The following ULK4 variants were observed in gnomAD, a reference collection of about 807,000 sequenced individuals.
The protein encoded by ULK4 is unc-51 like kinase 4.
ULK4 carries 133 observed loss-of-function variants against 160.6 expected under a neutral mutation model. The ratio of observed to expected loss-of-function variants is 0.83; its 90% CI spans 0.72 to 0.96. ULK4 has a LOEUF of 0.96. Among genes scored for constraint, ULK4 ranks in the 40% least tolerant of loss-of-function variants. The probability of loss-of-function intolerance (pLI) is 0.00; values close to 1 mark genes in which losing one functional copy is unlikely to be tolerated. For synonymous variants in ULK4, 534 were observed against 539.8 expected (o/e 0.99, Z 0.15); for missense variants, 1,580 against 1,499.5 (o/e 1.05, Z -0.89).
chr3:41,356,096 C>A (rs989845509), intron 35 of ULK4, among the ~76,000 whole-genome samples: 6 of 152,032 alleles, frequency 3.9e-5, no homozygotes, highest in African/African-American at 1.4e-4. Context: ...TAGGTCATAG[C>A]CCTTGTAATT....
intron 30 of ULK4, among the ~76,000 whole-genome samples, chr3:41,653,434 T>C (rs1463310041): frequency 6.6e-6 from 1 of 152,180 alleles, no homozygotes; most frequent in African/African-American, 2.4e-5. Flanking sequence ...GCCCTTCCTC[T>C]TGGATCTTTT....
chr3:41,501,169 C>T (rs2085190675), intron 32 of ULK4, among the ~76,000 whole-genome samples: 1 of 150,980 alleles, frequency 6.6e-6, no homozygotes, highest in Non-Finnish European at 1.5e-5. Flanking sequence ...CCAAATGGCA[C>T]AGCCAGTTTG....
intron 34 of ULK4, among the ~76,000 whole-genome samples, chr3:41,440,106 A>G (rs909728335): frequency 1.3e-5 from 2 of 152,204 alleles, no homozygotes; most frequent in Admixed American, 1.3e-4. Flanking sequence ...TGTTGATTCA[A>G]TTGAATTTTC....
chr3:41,579,682 C>T (rs991919264), intron 31 of ULK4, among the ~76,000 whole-genome samples: 23 of 151,714 alleles, frequency 1.5e-4, no homozygotes, highest in South Asian at 6.3e-4. Flanking sequence ...TTAGTAGAGA[C>T]GGGGTTTCAC....
intron 17 of ULK4, among the ~76,000 whole-genome samples, chr3:41,856,569 A>G: frequency 1.2e-5 from 1 of 85,696 alleles, no homozygotes; most frequent in Non-Finnish European, 2.1e-5. Flanking sequence ...ATACACATAT[A>G]TATATGTGTA....
chr3:41,865,270 TTAAAAAAA>T lies in ULK4; in HGVS notation c.1656+18596_1656+18603del, dbSNP rs1424387322. 2.9e-4 allele frequency among the ~76,000 whole-genome samples: 19 copies of T among 65,622 alleles called. 1 individual carries two copies. Among genetic ancestry groups the T allele is most frequent in the African/African-American group, 8.1e-4 (13 of 16,036 alleles). 43.1% of individuals were successfully genotyped at this position (65,622 alleles called of 152,430 possible). ...TGGGCAACAGAGCAAGACTCTGTCT[TTAAAAAAA>T]AAAAAAAAAAAAAAAAAAAAAAAAA... On this transcript the variant is annotated intron_variant, in intron 17 of 36. Coordinates refer to ENST00000301831, the MANE Select transcript of ULK4 (RefSeq NM_017886.4).
intron 30 of ULK4, among the ~76,000 whole-genome samples, chr3:41,647,267 C>T (rs904925474): frequency 7.9e-5 from 12 of 152,232 alleles, no homozygotes; most frequent in African/African-American, 2.9e-4. Flanking sequence ...AGGAGAGGCA[C>T]TCTGCTTTTT....
At chr3:41,599,565 CTTT>C (rs200055034) in intron 31 of ULK4, among the ~76,000 whole-genome samples, 5 of 130,734 alleles carry the variant, frequency 3.8e-5, no homozygotes, top group Admixed American at 7.9e-5. Context: ...TTTTCTTTTT[CTTT>C]TTTTTTTTTT....
intron 34 of ULK4, among the ~76,000 whole-genome samples, chr3:41,446,017 C>G (rs957383184): frequency 6.6e-6 from 1 of 151,920 alleles, no homozygotes; most frequent in African/African-American, 2.4e-5. Flanking sequence ...TGAACTCAAA[C>G]AAATTTACAA....
At chr3:41,335,451 T>C (rs1343775416) in intron 35 of ULK4, among the ~76,000 whole-genome samples, 5 of 152,206 alleles carry the variant, frequency 3.3e-5, no homozygotes, top group Non-Finnish European at 5.9e-5. Context: ...TTAATGGGGT[T>C]GGAAATTGGT....
rs368222579 is a variant in ULK4, at chr3:41,664,640, G to A, written c.2979-941C>T. ...CTGCTCAAACAGTTGAGGCACAGTG[G>A]ACTACCCTTATCAGCTGTTAACTGG... On this transcript the variant is annotated intron_variant, in intron 29 of 36. Coordinates refer to ENST00000301831, the MANE Select transcript of ULK4 (RefSeq NM_017886.4). Among the ~76,000 whole-genome samples, 121 of 152,184 alleles carry A rather than the reference G, an allele frequency of 8.0e-4. No homozygotes were observed. In the Middle Eastern group the frequency reaches 0.01, roughly 13 times the overall value.
At chr3:41,341,862 T>A (rs1042021446) in intron 35 of ULK4, among the ~76,000 whole-genome samples, 18 of 152,286 alleles carry the variant, frequency 1.2e-4, no homozygotes, top group African/African-American at 4.3e-4. Flanking sequence ...ATAATATACT[T>A]TAGAATTTCT....
At chr3:41,676,843 A>G (rs2035735442) in intron 29 of ULK4, among the ~76,000 whole-genome samples, 1 of 149,908 alleles carries the variant, frequency 6.7e-6, no homozygotes, top group Non-Finnish European at 1.5e-5. Flanking sequence ...CCTGCCCAGT[A>G]TGCTGCCTCT....
At chr3:41,707,583 G>A (rs2125831744) in intron 25 of ULK4, among the ~76,000 whole-genome samples, 1 of 152,270 alleles carries the variant, frequency 6.6e-6, no homozygotes, top group Non-Finnish European at 1.5e-5. Flanking sequence ...TACAATCCCA[G>A]CACTGTGAGA....
At chr3:41,329,131 A>T (rs560036557) in intron 35 of ULK4, among the ~76,000 whole-genome samples, 1 of 152,194 alleles carries the variant, frequency 6.6e-6, no homozygotes, top group South Asian at 2.1e-4. Flanking sequence ...ATTCCATTTG[A>T]ATTACTTAGT....
intron 22 of ULK4, among the ~76,000 whole-genome samples, chr3:41,727,306 C>T (rs2037685412): frequency 6.6e-6 from 1 of 152,168 alleles, no homozygotes; most frequent in Non-Finnish European, 1.5e-5. Flanking sequence ...ACCGTGTCTA[C>T]TATGTGCTAA....
In ULK4 at chr3:41,815,512, G is replaced by A. The variant is rs74662603; in HGVS notation, c.1848+3911C>T. Among the ~76,000 whole-genome samples, 1,032 of 152,234 alleles carry A rather than the reference G, an allele frequency of 6.8e-3. 13 individuals carry two copies. The highest frequency in any genetic ancestry group is 0.023 in the African/African-American group (958 of 41,558). On this transcript the variant is annotated intron_variant, in intron 19 of 36. Coordinates refer to ENST00000301831, the MANE Select transcript of ULK4 (RefSeq NM_017886.4). ...GTTGCTGCTAAGAAATTAGCTGTCA[G>A]AGCAACTGTGCTTCTTGAAGGCAAT...
intron 21 of ULK4, among the ~76,000 whole-genome samples, chr3:41,757,906 C>A (rs2038860229): frequency 6.6e-6 from 1 of 152,034 alleles, no homozygotes; most frequent in Non-Finnish European, 1.5e-5. Flanking sequence ...GGATCACAGG[C>A]GTGAGCCACC....
At chr3:41,274,030 T>C (rs1227496578) in intron 35 of ULK4, among the ~76,000 whole-genome samples, 1 of 152,146 alleles carries the variant, frequency 6.6e-6, no homozygotes, top group African/African-American at 2.4e-5. Flanking sequence ...TCAGGTATTT[T>C]TTTTTTATAC....
Sources: gnomAD v4.1 joint callset for allele counts (sites outside exome capture counted in the v4.1 genomes callset) on GRCh38, gnomAD v4.1.1 for gene constraint, MANE v1.5 for transcripts, NCBI Gene and HGNC (gene_info 2026-07-23, HGNC 2026-07-21) for gene names.